The following AADAT variants were observed in gnomAD, a reference collection of about 807,000 sequenced individuals.
AADAT encodes the protein aminoadipate aminotransferase.
Under a neutral mutation model 56.2 loss-of-function variants are expected in AADAT, and 25 were observed. The ratio of observed to expected loss-of-function variants is 0.44; its 90% CI spans 0.32 to 0.62. AADAT has a LOEUF of 0.62. Ranked by LOEUF, AADAT falls within the 20% of genes least tolerant of loss-of-function variation. AADAT has a pLI of 0.04. For missense variants in AADAT, 387 were observed against 510.5 expected, an observed-to-expected ratio of 0.76 and a Z score of 2.33; for synonymous variants, 173 against 164.7, an observed-to-expected ratio of 1.05 and a Z score of -0.39.
chr4:170,071,585 G>A (rs1030087840), intron 5 of AADAT, among the ~76,000 whole-genome samples: 4 of 152,190 alleles, frequency 2.6e-5, no homozygotes, highest in Non-Finnish European at 5.9e-5. Context: ...AGAAACCACC[G>A]GAGGGCTGTA....
chr4:170,079,082 A>G (rs1581588559), intron 3 of AADAT, among the ~76,000 whole-genome samples: 1 of 152,340 alleles, frequency 6.6e-6, no homozygotes, highest in East Asian at 1.9e-4. Context: ...TGGGAAAGCT[A>G]GACACCAATT....
upstream of AADAT, among the ~76,000 whole-genome samples, chr4:170,091,986 G>A (rs1485666928): frequency 6.6e-6 from 1 of 151,966 alleles, no homozygotes; most frequent in Admixed American, 6.6e-5. Context: ...AATCTAGTGG[G>A]GACTTGGAGA....
At chr4:170,080,461 G>T (rs1044466744) in intron 3 of AADAT, among the ~76,000 whole-genome samples, 1 of 152,116 alleles carries the variant, frequency 6.6e-6, no homozygotes, top group African/African-American at 2.4e-5. Context: ...GAAGCATCAT[G>T]ACTGCCTGGA....
intron 11 of AADAT, among the ~76,000 whole-genome samples, chr4:170,063,430 A>G (rs1210477868): frequency 6.6e-6 from 1 of 152,248 alleles, no homozygotes; most frequent in Non-Finnish European, 1.5e-5. Context: ...ACAGATAACC[A>G]CTTACCACAT....
rs969723226 is a variant in AADAT at position 170,072,303 on chromosome 4, A to G, written c.654+833T>C. 5.3e-5 allele frequency among the ~76,000 whole-genome samples: 8 copies of G among 151,312 alleles called. No individual in the cohort carries two copies. In the East Asian group the frequency reaches 5.8e-4, roughly 11 times the overall value. ...TGTGTATATATATGTGTGTGTGTAT[A>G]TATATATATATATTTAGAGTTGGGG... On this transcript the variant is annotated intron_variant, in intron 5 of 12. Coordinates refer to ENST00000337664, the MANE Select transcript of AADAT (RefSeq NM_016228.4).
chr4:170,064,887 T>C, intron 10 of AADAT, 62 bp from the exon 11 acceptor site: 1 of 1,443,548 alleles, frequency 6.9e-7, no homozygotes, highest in Non-Finnish European at 9.5e-7. Context: ...GATATCAAAG[T>C]GTGTTGTTAA....
chr4:170,061,894 C>T lies in AADAT; in HGVS notation c.1234G>A (p.Val412Met), dbSNP rs780525079. The T allele has an allele frequency of 4.3e-6, 7 of 1,610,364 alleles. No homozygotes were observed. In the African/African-American group the frequency reaches 6.7e-5, roughly 15 times the overall value. Residue 412 changes from valine (V) to methionine (M), a missense_variant and splice_region_variant, in exon 12 of 13, where the codon GTG becomes ATG. Physicochemically the swap from Val to Met is conservative, Grantham distance 21 (BLOSUM62 1). Transcript: ENST00000337664. ...TCTGAGGAGAATACTACACTCACCA[C>T]ATCCATCTGTTCTGGAGAAGCTGAA... ...FSSASPEQMD[V>M]AFQVLAQLIK...
At chr4:170,070,763 CTG>C in intron 5 of AADAT, 111 bp from the exon 6 acceptor site, 1 of 717,688 alleles carries the variant, frequency 1.4e-6, no homozygotes, top group South Asian at 2.0e-5. Flanking sequence ...CAAGGAACTA[CTG>C]TGTGTCTATT....
intron 6 of AADAT, among the ~76,000 whole-genome samples, chr4:170,069,707 T>A (rs1412242248): frequency 6.6e-6 from 1 of 152,172 alleles, no homozygotes; most frequent in East Asian, 1.9e-4. Context: ...CATGAAAGAC[T>A]GACTTCAACA....
intron 6 of AADAT, 130 bp downstream of exon 6, chr4:170,070,457 C>A (rs1731701928): frequency 1.6e-6 from 1 of 627,722 alleles, no homozygotes. Flanking sequence ...GCAAATTAAT[C>A]ATAATTGATT....
chr4:170,062,121 A>G, intron 11 of AADAT, 128 bp from the exon 12 acceptor site: 1 of 517,154 alleles, frequency 1.9e-6, no homozygotes, highest in Non-Finnish European at 3.3e-6. Context: ...ATCACAAGAA[A>G]AAATACTAAT....
intron 3 of AADAT, among the ~76,000 whole-genome samples, chr4:170,080,970 C>T (rs75158186): frequency 2.6e-5 from 4 of 152,126 alleles, no homozygotes; most frequent in African/African-American, 9.7e-5. Flanking sequence ...AGTGACTGAT[C>T]CTAACAAGAT....
At chr4:170,068,758 C>G in intron 7 of AADAT, 71 bp from the exon 8 acceptor site, 1 of 1,001,470 alleles carries the variant, frequency 1.0e-6, no homozygotes, top group Non-Finnish European at 1.5e-6. Flanking sequence ...TTCCTGATTT[C>G]ATTAGACAGA....
At chr4:170,067,493 A>T in intron 8 of AADAT, 105 bp from the exon 9 acceptor site, 1 of 795,370 alleles carries the variant, frequency 1.3e-6, no homozygotes, top group Non-Finnish European at 2.1e-6. Flanking sequence ...CCACAATAAG[A>T]TATAACAAGC....
chr4:170,081,929 TATG>T (rs1732337590), intron 3 of AADAT, among the ~76,000 whole-genome samples: 1 of 152,100 alleles, frequency 6.6e-6, no homozygotes, highest in African/African-American at 2.4e-5. Context: ...ATCCTTCAAA[TATG>T]ATGGAGAGAT....
chr4:170,066,793 G>A (rs1731486152), intron 9 of AADAT, among the ~76,000 whole-genome samples: 1 of 152,100 alleles, frequency 6.6e-6, no homozygotes, highest in African/African-American at 2.4e-5. Context: ...TCATCACTCA[G>A]GATAAAAGAC....
chr4:170,093,782 G>A (rs1009917651), upstream of AADAT, among the ~76,000 whole-genome samples: 1 of 152,150 alleles, frequency 6.6e-6, no homozygotes, highest in Non-Finnish European at 1.5e-5. Flanking sequence ...ATACCTTGTA[G>A]AGACAGGGTC....
intron 5 of AADAT, among the ~76,000 whole-genome samples, chr4:170,072,171 C>T (rs969754196): frequency 6.6e-6 from 1 of 151,908 alleles, no homozygotes; most frequent in Non-Finnish European, 1.5e-5. Context: ...GAGAAGAGAA[C>T]TTAGGACAGA....
intron 3 of AADAT, among the ~76,000 whole-genome samples, chr4:170,079,921 T>C (rs1732208670): frequency 6.6e-6 from 1 of 152,106 alleles, no homozygotes; most frequent in South Asian, 2.1e-4. Context: ...CCAGGAAAAG[T>C]ACATAGACTA....
Sources: allele counts gnomAD v4.1 joint callset (sites outside exome capture counted in the v4.1 genomes callset), GRCh38; gene constraint gnomAD v4.1.1; transcripts MANE v1.5; gene names NCBI Gene and HGNC (gene_info 2026-07-23, HGNC 2026-07-21).